PPFIA2: variants seen among roughly 807,000 people sequenced by gnomAD.
PPFIA2 encodes liprin-alpha-2.
A neutral mutation model predicts 175.5 loss-of-function variants in PPFIA2; 46 were observed. The ratio of observed to expected loss-of-function variants is 0.26; its 90% CI spans 0.21 to 0.34. The LOEUF (loss-of-function observed/expected upper bound fraction) is 0.34. Ranked by LOEUF, PPFIA2 falls within the 10% of genes least tolerant of loss-of-function variation. The pLI is 1.00. For missense variants in PPFIA2, 1,179 were observed against 1,506.1 expected (o/e 0.78, Z 3.60); for synonymous variants, 568 against 511.4 (o/e 1.11, Z -1.49).
intron 8 of PPFIA2, among the ~76,000 whole-genome samples, chr12:81,403,810 A>G (rs2042459311): frequency 6.6e-6 from 1 of 152,264 alleles, no homozygotes; most frequent in South Asian, 2.1e-4. Flanking sequence ...GTGCATGCAG[A>G]CAGCCCACCC....
At chr12:81,546,688 T>C (rs1167733484) in intron 4 of PPFIA2, among the ~76,000 whole-genome samples, 1 of 152,170 alleles carries the variant, frequency 6.6e-6, no homozygotes, top group Non-Finnish European at 1.5e-5. Flanking sequence ...ATTTACATAT[T>C]AAAATATGTG....
At chr12:81,353,442 C>G in intron 16 of PPFIA2, 103 bp from the exon 17 acceptor site, 3 of 789,652 alleles carry the variant, frequency 3.8e-6, no homozygotes, top group Non-Finnish European at 2.1e-6. Flanking sequence ...TTACAACTGA[C>G]CTTGCAAAAA....
intron 7 of PPFIA2, chr12:81,424,912 A>T (rs1849971722): frequency 6.6e-6 from 1 of 152,208 alleles, no homozygotes; most frequent in Non-Finnish European, 1.5e-5. Flanking sequence ...TTCCATGGAT[A>T]GATACAAATG....
At position 81,754,074 on chromosome 12, in the gene PPFIA2, G is replaced by T; in HGVS notation, c.148C>A (p.Arg50=). 1 of 1,613,818 alleles carries T rather than the reference G, an allele frequency of 6.2e-7. No individual in the cohort carries two copies. Reference sequence around the variant, plus strand: ...AGTGAGAGGCTTTCCTGGGTCTCCCGAAGGGTGTCTAGAAGACGATCCCTT... The same window carrying T: ...AGTGAGAGGCTTTCCTGGGTCTCCCTAAGGGTGTCTAGAAGACGATCCCTT... ...DERDRLLDTL[R]ETQESLSLAQ... Residue 50 remains arginine, a synonymous_variant, in exon 3 of 33, where the codon CGG becomes AGG. Transcript: ENST00000549396.
intron 7 of PPFIA2, among the ~76,000 whole-genome samples, chr12:81,425,750 T>A (rs1284730124): frequency 6.6e-6 from 1 of 152,200 alleles, no homozygotes; most frequent in East Asian, 1.9e-4. Flanking sequence ...TTACAAAACT[T>A]CCACGACACA....
chr12:81,312,252 G>A, intron 22 of PPFIA2: 1 of 1,280,328 alleles, frequency 7.8e-7, no homozygotes, highest in South Asian at 1.3e-5. Flanking sequence ...GAAAACCATG[G>A]AATAAAACAA....
In PPFIA2 at chr12:81,521,671, AT is replaced by A. The variant is rs1480243868; in HGVS notation, c.304-63806del. Among the ~76,000 whole-genome samples, 417 of 146,682 alleles carry A rather than the reference AT, an allele frequency of 2.8e-3. 3 individuals are homozygous for A. Among genetic ancestry groups the A allele is most frequent in the Non-Finnish European group, 4.9e-3 (325 of 66,494 alleles). ...AAATACAAAAAAAAAAAAAAAAAAA[AT>A]AGCCAGGCATGGTGGCGGGCGCCTG... is the stretch of plus-strand genomic sequence containing the variant. On this transcript the variant is annotated intron_variant, in intron 4 of 32. Transcript: ENST00000549396.
chr12:81,341,097 A>G lies in PPFIA2; in HGVS notation c.2374T>C (p.Tyr792His). 6.2e-7 allele frequency: 1 copy of G among 1,610,672 alleles called. No homozygotes were observed. The highest frequency in any genetic ancestry group is 8.5e-7 in the Non-Finnish European group (1 of 1,177,352). ...TCTTACCTTCGAGCATCATTGTGGTAGGAAGAAGGGAGAGTGTGAGTCATT... is the reference window on the plus strand; with the variant it reads ...TCTTACCTTCGAGCATCATTGTGGTGGGAAGAAGGGAGAGTGTGAGTCATT... ...LRMTHTLPSSYHNDARSSLSV... is the reference protein window; with the variant it reads ...LRMTHTLPSSHHNDARSSLSV... The change falls in exon 20 of 33, where the codon TAC becomes CAC. Residue 792 changes from tyrosine to histidine, a missense_variant. Transcript: ENST00000549396.
intron 3 of PPFIA2, among the ~76,000 whole-genome samples, chr12:81,695,570 T>A (rs906048344): frequency 9.9e-5 from 15 of 151,452 alleles, no homozygotes; most frequent in African/African-American, 3.6e-4. Flanking sequence ...CCAATTAAAC[T>A]TTTTTTCTTT....
At chr12:81,379,041 A>G (rs1272737797) in intron 9 of PPFIA2, among the ~76,000 whole-genome samples, 3 of 152,166 alleles carry the variant, frequency 2.0e-5, no homozygotes, top group African/African-American at 7.2e-5. Flanking sequence ...ATCTCACTCT[A>G]TGACGTAGAT....
At chr12:81,487,714 A>T (rs17008606) in intron 4 of PPFIA2, among the ~76,000 whole-genome samples, 16,259 of 151,788 alleles carry the variant, frequency 0.11, 1,098 homozygotes, top group Middle Eastern at 0.15. Context: ...TTTCACAGTC[A>T]ATTCCAGTTA....
intron 4 of PPFIA2, among the ~76,000 whole-genome samples, chr12:81,674,672 A>ATT (rs200690406): frequency 6.6e-6 from 1 of 152,088 alleles, no homozygotes; most frequent in South Asian, 2.1e-4. Context: ...GTCTCAAAAA[A>ATT]ATTTTTTTTT....
intron 7 of PPFIA2, among the ~76,000 whole-genome samples, chr12:81,420,249 A>C (rs137944678): frequency 6.6e-6 from 1 of 152,280 alleles, no homozygotes; most frequent in African/African-American, 2.4e-5. Flanking sequence ...ATGTGCAGAC[A>C]TCAATGCATG....
intron 4 of PPFIA2, among the ~76,000 whole-genome samples, chr12:81,662,588 C>A (rs944545490): frequency 1.3e-5 from 2 of 152,124 alleles, no homozygotes; most frequent in African/African-American, 4.8e-5. Context: ...AAGTCCAGGA[C>A]CAGATGGATT....
At chr12:81,339,601 T>C (rs979528949) in intron 20 of PPFIA2, among the ~76,000 whole-genome samples, 2 of 152,148 alleles carry the variant, frequency 1.3e-5, no homozygotes, top group Admixed American at 6.6e-5. Context: ...AACTAATCAG[T>C]GAATATAGGC....
At chr12:81,372,410 C>A (rs2035358223) in intron 11 of PPFIA2, among the ~76,000 whole-genome samples, 1 of 147,616 alleles carries the variant, frequency 6.8e-6, no homozygotes, top group African/African-American at 2.5e-5. Context: ...CATGTTTAAG[C>A]TAAGAAGAAA....
At chr12:81,452,887 T>C (rs2052869627) in intron 5 of PPFIA2, among the ~76,000 whole-genome samples, 1 of 152,222 alleles carries the variant, frequency 6.6e-6, no homozygotes, top group South Asian at 2.1e-4. Context: ...TTATGATCCA[T>C]GAGATTAAGT....
In PPFIA2 at chr12:81,325,857, C is replaced by A; in HGVS notation, c.2562G>T (p.Glu854Asp). Residue 854 changes from glutamate (E) to aspartate (D), a missense_variant, in exon 22 of 33, where the codon GAG becomes GAT. Physicochemically the swap from Glu to Asp is conservative, Grantham distance 45. Coordinates refer to ENST00000549396, the MANE Select transcript of PPFIA2 (RefSeq NM_003625.5). The part of the protein sequence containing the change: ...ARLGQLRGFM[E>D]TEAAAQESLG... ...GGGACTCCTGAGCTGCAGCTTCAGTCTCCATAAAGCCTCCTGTGAAGAGAA... is the reference window on the plus strand; with the variant it reads ...GGGACTCCTGAGCTGCAGCTTCAGTATCCATAAAGCCTCCTGTGAAGAGAA... The A allele has an allele frequency of 6.2e-7, 1 of 1,611,534 alleles. No homozygotes were observed. Among genetic ancestry groups the A allele is most frequent in the South Asian group, 1.1e-5 (1 of 90,988 alleles).
At chr12:81,261,903 AT>A (rs1013451899) in intron 32 of PPFIA2, 45 bp downstream of exon 32, 21 of 1,361,744 alleles carry the variant, frequency 1.5e-5, no homozygotes, top group Non-Finnish European at 1.9e-5. Context: ...TGTAGGTTCC[AT>A]TTTTTTGTCT....
Sources: allele counts gnomAD v4.1 joint callset (sites outside exome capture counted in the v4.1 genomes callset), GRCh38; gene constraint gnomAD v4.1.1; transcripts MANE v1.5; gene names NCBI Gene and HGNC (gene_info 2026-07-23, HGNC 2026-07-21).